The following MAP2K6 variants were observed in gnomAD, a reference collection of about 807,000 sequenced individuals.
MAP2K6 encodes the protein dual specificity mitogen-activated protein kinase kinase 6.
A neutral mutation model predicts 53.7 loss-of-function variants in MAP2K6; 16 were observed. The ratio of observed to expected loss-of-function variants is 0.30; its 90% CI spans 0.20 to 0.45. The LOEUF (loss-of-function observed/expected upper bound fraction) is 0.45, where lower values mean the gene tolerates loss of function less well. MAP2K6 is among the 20% of genes least tolerant of loss of function. MAP2K6 has a pLI of 1.00. For missense variants in MAP2K6, 204 were observed against 411.9 expected (o/e 0.50, Z 4.37); for synonymous variants, 132 against 143.1 (o/e 0.92, Z 0.55).
rs1430573381 is a variant in MAP2K6 at position 69,454,520 on chromosome 17, GACT to G, written c.16+39523_16+39525del. On this transcript the variant is annotated intron_variant, in intron 1 of 11. Transcript: ENST00000590474. ...CTGCCTCAGCCTCCTGAGTAGCTGG[GACT>G]ACAGGCACGCATCACCATGCCCGGC... is the stretch of plus-strand genomic sequence containing the variant. Among the ~76,000 whole-genome samples, 9 of 151,928 alleles carry G rather than the reference GACT, an allele frequency of 5.9e-5. 1 individual carries two copies. The highest frequency in any genetic ancestry group is 5.9e-4 in the Admixed American group (9 of 15,256).
chr17:69,425,258 C>CA (rs1430613070), intron 1 of MAP2K6, among the ~76,000 whole-genome samples: 1 of 151,932 alleles, frequency 6.6e-6, no homozygotes, highest in Non-Finnish European at 1.5e-5. Context: ...GTTTTTGTGG[C>CA]AGAGGAGGTA....
intron 10 of MAP2K6, among the ~76,000 whole-genome samples, chr17:69,530,020 C>A (rs1167270519): frequency 6.6e-6 from 1 of 152,034 alleles, no homozygotes; most frequent in African/African-American, 2.4e-5. Flanking sequence ...AATTTTGAGC[C>A]GTAGACATGT....
intron 1 of MAP2K6, among the ~76,000 whole-genome samples, chr17:69,436,142 A>G (rs550262036): frequency 5.9e-5 from 9 of 152,282 alleles, no homozygotes; most frequent in African/African-American, 1.9e-4. Flanking sequence ...TGGAAAGATA[A>G]CAAGTTTGTA....
At chr17:69,502,616 T>C (rs1221562122) in intron 1 of MAP2K6, 2 of 985,288 alleles carry the variant, frequency 2.0e-6, no homozygotes, top group African/African-American at 1.7e-5. Context: ...CCAACTTATA[T>C]ACATAGTCAA....
chr17:69,511,561 G>A (rs1241345899), intron 2 of MAP2K6, among the ~76,000 whole-genome samples: 2 of 152,126 alleles, frequency 1.3e-5, no homozygotes, highest in East Asian at 1.9e-4. Flanking sequence ...AAATCAGTTC[G>A]ATGCTAGTTC....
chr17:69,481,798 A>G (rs1008237477), intron 1 of MAP2K6, among the ~76,000 whole-genome samples: 3 of 152,208 alleles, frequency 2.0e-5, no homozygotes, highest in African/African-American at 4.8e-5. Flanking sequence ...CCTCTTTAAA[A>G]ATGTATTTCC....
chr17:69,521,402 C>A, intron 7 of MAP2K6: 2 of 303,264 alleles, frequency 6.6e-6, no homozygotes, highest in East Asian at 5.5e-5. Flanking sequence ...AAAAATTGAT[C>A]TTGTATTGGC....
In MAP2K6 at chr17:69,544,347, A is replaced by G. The variant is rs565082246; in HGVS notation, c.*2594A>G. 2.6e-5 allele frequency: 4 copies of G among 152,350 alleles called. No individual in the cohort carries two copies. The highest frequency in any genetic ancestry group is 9.6e-5 in the African/African-American group (4 of 41,578). 9.4% of individuals were successfully genotyped at this position (152,350 alleles called of 1,614,324 possible). A position where few individuals can be genotyped will look rare whatever the true frequency, so the allele number is the denominator to read the frequency against. ...AAAAGAATGACCTGATAGCCTCACAAGACTAAATTTTAGAGCATGGTTTTG... is the reference window on the plus strand; with the variant it reads ...AAAAGAATGACCTGATAGCCTCACAGGACTAAATTTTAGAGCATGGTTTTG... On this transcript the variant is annotated 3_prime_UTR_variant, in exon 12 of 12. Transcript: ENST00000590474.
intron 1 of MAP2K6, among the ~76,000 whole-genome samples, chr17:69,425,321 G>GT (rs1414079689): frequency 3.4e-5 from 5 of 149,220 alleles, no homozygotes; most frequent in South Asian, 4.2e-4. Flanking sequence ...TTTTTTTTTT[G>GT]TTTTTTTCTG....
rs1488804043 is a variant in MAP2K6 at position 69,544,896 on chromosome 17, C to A, written c.*3143C>A. ...AAAAGGCTTTAGAATCCACTCCCTC[C>A]TCTGAGATGTGTGTCATCATTTGAG... On this transcript the variant is annotated 3_prime_UTR_variant, in exon 12 of 12. Transcript: ENST00000590474. 1 of 152,162 alleles carries A rather than the reference C, an allele frequency of 6.6e-6. No individual in the cohort carries two copies. The highest frequency in any genetic ancestry group is 1.5e-5 in the Non-Finnish European group (1 of 68,022). The allele number at this position is 152,162 out of a possible 1,614,324, so 9.4% of individuals were successfully genotyped here.
chr17:69,501,905 T>C, intron 1 of MAP2K6: 1 of 149,878 alleles, frequency 6.7e-6, no homozygotes, highest in African/African-American at 2.5e-5. Flanking sequence ...TTATTCATAG[T>C]GCTCCCTCCC....
chr17:69,443,686 G>A (rs1284517026), intron 1 of MAP2K6, among the ~76,000 whole-genome samples: 1 of 152,104 alleles, frequency 6.6e-6, no homozygotes, highest in East Asian at 1.9e-4. Context: ...CTGGGGTTTA[G>A]GGTAAAGGGG....
chr17:69,468,624 T>A (rs1285679840), intron 1 of MAP2K6, among the ~76,000 whole-genome samples: 2 of 152,158 alleles, frequency 1.3e-5, no homozygotes, highest in African/African-American at 4.8e-5. Flanking sequence ...ACATCGAAGC[T>A]GAGTTCGAAA....
Position 69,494,956 on chromosome 17 carries a change from G to A in MAP2K6, c.17-10824G>A, listed in dbSNP as rs538112328. Among the ~76,000 whole-genome samples the A allele has an allele frequency of 2.6e-5, 4 of 151,902 alleles. No individual in the cohort carries two copies. The highest frequency in any genetic ancestry group is 2.6e-4 in the Admixed American group (4 of 15,260). On this transcript the variant is annotated intron_variant, in intron 1 of 11. Coordinates refer to ENST00000590474, the MANE Select transcript of MAP2K6 (RefSeq NM_002758.4). This position sits in a 1 kb window ranked among gnomAD's most constrained non-coding sequence, Gnocchi z 4.2. ...GGAGGTGGAGGTTGCCGTGAGCCGA[G>A]ATCGCGACATTGCACTCCAGCCTGG...
chr17:69,536,393 G>T (rs1911360430), intron 11 of MAP2K6, among the ~76,000 whole-genome samples: 2 of 152,158 alleles, frequency 1.3e-5, no homozygotes, highest in Admixed American at 6.5e-5. Context: ...TAATAAACCT[G>T]TCATGATACA....
intron 1 of MAP2K6, among the ~76,000 whole-genome samples, chr17:69,435,917 T>C (rs780965129): frequency 3.9e-5 from 6 of 152,042 alleles, no homozygotes; most frequent in Non-Finnish European, 8.8e-5. Context: ...ATCTGCCCTC[T>C]GTGGCCTCCC....
intron 1 of MAP2K6, among the ~76,000 whole-genome samples, chr17:69,464,751 T>C (rs1598275004): frequency 1.3e-5 from 2 of 152,154 alleles, no homozygotes. Flanking sequence ...AGTCTCGCTC[T>C]GTTGCCCCAG....
In MAP2K6 at chr17:69,545,178, G is replaced by A. The variant is rs1386567654; in HGVS notation, c.*3425G>A. ...CGCCCCCACCACCCCTGCCCAAAGT[G>A]CATGATTATTTTTAACCAGAGTCAT... On this transcript the variant is annotated 3_prime_UTR_variant, in exon 12 of 12. Coordinates refer to ENST00000590474, the MANE Select transcript of MAP2K6 (RefSeq NM_002758.4). 1 of 151,498 alleles carries A rather than the reference G, an allele frequency of 6.6e-6. No homozygotes were observed. The highest frequency in any genetic ancestry group is 2.4e-5 in the African/African-American group (1 of 41,208). 9.4% of individuals were successfully genotyped at this position (151,498 alleles called of 1,614,324 possible).
intron 1 of MAP2K6, among the ~76,000 whole-genome samples, chr17:69,440,345 G>A (rs960963862): frequency 6.6e-6 from 1 of 151,756 alleles, no homozygotes; most frequent in African/African-American, 2.4e-5. Flanking sequence ...ACCACGCCTG[G>A]CCTAGACTTG....
Sources: gnomAD v4.1 joint callset for allele counts (sites outside exome capture counted in the v4.1 genomes callset) on GRCh38, gnomAD v4.1.1 for gene constraint, Gnocchi (gnomAD v3.1) non-coding constraint, MANE v1.5 for transcripts, NCBI Gene and HGNC (gene_info 2026-07-23, HGNC 2026-07-21) for gene names.